Variants in RASGRF2 observed in about 807,000 individuals in gnomAD.
RASGRF2 encodes the protein Ras protein specific guanine nucleotide releasing factor 2, also known as ras-specific guanine nucleotide-releasing factor 2.
A neutral mutation model predicts 151.0 loss-of-function variants in RASGRF2; 76 were observed. That is an observed-to-expected ratio of 0.50 (90% CI 0.42 to 0.61). The LOEUF (loss-of-function observed/expected upper bound fraction) is 0.61, where lower values mean the gene tolerates loss of function less well. Ranked by LOEUF, RASGRF2 falls within the 20% of genes least tolerant of loss-of-function variation. The pLI is 0.00. For missense variants in RASGRF2, 1,148 were observed against 1,564.6 expected (o/e 0.73, Z 4.49); for synonymous variants, 504 against 566.5 (o/e 0.89, Z 1.57).
rs997473011 is a variant in RASGRF2 at position 80,960,639 on chromosome 5, C to A, written c.-100C>A. The A allele has an allele frequency of 2.0e-4, 221 of 1,132,010 alleles. 3 individuals are homozygous for A. Among genetic ancestry groups the A allele is most frequent in the Non-Finnish European group, 2.8e-5 (25 of 889,444 alleles). The allele number at this position is 1,132,010 out of a possible 1,614,324, so 70.1% of individuals were successfully genotyped here. On this transcript the variant is annotated 5_prime_UTR_variant, in exon 1 of 27. Coordinates refer to ENST00000265080, the MANE Select transcript of RASGRF2 (RefSeq NM_006909.3). The surrounding 1 kb of genome is among the most constrained non-coding windows in gnomAD (Gnocchi z 5.5). ...GGGAAAGGGGGCGCCCTTCGCCGGCCGGGACCTGAGCGGTCGCGCCCTCGA... is the reference window on the plus strand; with the variant it reads ...GGGAAAGGGGGCGCCCTTCGCCGGCAGGGACCTGAGCGGTCGCGCCCTCGA...
chr5:81,217,527 A>G, intron 25 of RASGRF2, 54 bp downstream of exon 25: 6 of 1,345,360 alleles, frequency 4.5e-6, no homozygotes, highest in Non-Finnish European at 5.0e-6. Context: ...GTTTATAGAG[A>G]AGAGGCTAAG....
At chr5:81,007,887 G>C (rs1223972259) in intron 1 of RASGRF2, among the ~76,000 whole-genome samples, 2 of 152,126 alleles carry the variant, frequency 1.3e-5, no homozygotes, top group Admixed American at 1.3e-4. Flanking sequence ...ACTGAAGAGA[G>C]AGACGTGAAC....
chr5:81,195,091 G>A (rs767494816), intron 18 of RASGRF2, among the ~76,000 whole-genome samples: 10 of 152,174 alleles, frequency 6.6e-5, no homozygotes, highest in Non-Finnish European at 1.0e-4. Flanking sequence ...GGTCTCTTGG[G>A]TGCCATGGAT....
chr5:81,072,601 T>C (rs1751810676), intron 4 of RASGRF2, among the ~76,000 whole-genome samples: 1 of 152,242 alleles, frequency 6.6e-6, no homozygotes, highest in Non-Finnish European at 1.5e-5. Context: ...TAATTTTTTA[T>C]ATTTAGAAAG....
At position 81,227,418 on chromosome 5, in the gene RASGRF2, A is replaced by G. The variant is rs1756022638; in HGVS notation, c.*1648A>G. The G allele has an allele frequency of 6.6e-6, 1 of 152,242 alleles. No individual in the cohort carries two copies. Among genetic ancestry groups the G allele is most frequent in the Admixed American group, 6.5e-5 (1 of 15,288 alleles). The allele number at this position is 152,242 out of a possible 1,614,324, so 9.4% of individuals were successfully genotyped here. A position where few individuals can be genotyped will look rare whatever the true frequency, so the allele number is the denominator to read the frequency against. ...TCCCAAAATATTTTCAATAGTTCATATTAGCCAACAGTGTAGCACTCAACC... is the reference window on the plus strand; with the variant it reads ...TCCCAAAATATTTTCAATAGTTCATGTTAGCCAACAGTGTAGCACTCAACC... On this transcript the variant is annotated 3_prime_UTR_variant, in exon 27 of 27. Transcript: ENST00000265080.
At chr5:81,221,173 C>G (rs1406253629) in intron 26 of RASGRF2, among the ~76,000 whole-genome samples, 1 of 152,116 alleles carries the variant, frequency 6.6e-6, no homozygotes, top group East Asian at 1.9e-4. Flanking sequence ...CTGGGTGTCT[C>G]CACTGTAAAG....
chr5:81,087,613 G>C (rs1752276747), intron 9 of RASGRF2: 1 of 533,670 alleles, frequency 1.9e-6, no homozygotes, highest in Non-Finnish European at 3.3e-6. Context: ...GCCTGACAGT[G>C]CCTATTTCTC....
chr5:81,208,529 AC>A, intron 22 of RASGRF2, 91 bp downstream of exon 22: 1 of 365,288 alleles, frequency 2.7e-6, no homozygotes, highest in Non-Finnish European at 4.4e-6. Flanking sequence ...CAACTCTGTC[AC>A]CCACTTTTTT....
At chr5:81,217,686 C>A (rs904674410) in intron 25 of RASGRF2, among the ~76,000 whole-genome samples, 1 of 139,064 alleles carries the variant, frequency 7.2e-6, no homozygotes, top group East Asian at 2.3e-4. Flanking sequence ...TCAATCAATT[C>A]TCTTGCCTCA....
intron 1 of RASGRF2, among the ~76,000 whole-genome samples, chr5:80,985,124 A>G (rs563987926): frequency 5.3e-5 from 8 of 152,270 alleles, no homozygotes; most frequent in Admixed American, 2.0e-4. Context: ...AGGTGAGAGG[A>G]TAACTTGAGC....
intron 2 of RASGRF2, among the ~76,000 whole-genome samples, chr5:81,063,653 T>G (rs1254348949): frequency 6.6e-6 from 1 of 152,192 alleles, no homozygotes; most frequent in Non-Finnish European, 1.5e-5. Flanking sequence ...GTTACTCAGT[T>G]TTCCTTTTAT....
intron 17 of RASGRF2, among the ~76,000 whole-genome samples, chr5:81,146,531 G>A (rs2112611192): frequency 6.6e-6 from 1 of 152,190 alleles, no homozygotes; most frequent in Non-Finnish European, 1.5e-5. Flanking sequence ...TAGGAAAACA[G>A]GTGGTCTGTA....
intron 6 of RASGRF2, 122 bp downstream of exon 6, chr5:81,080,322 A>G: frequency 3.3e-6 from 5 of 1,493,196 alleles, no homozygotes; most frequent in Non-Finnish European, 4.4e-6. Context: ...GAGCTTCTGT[A>G]TCCCGGGACC....
rs753513701 is a variant in RASGRF2, at chr5:81,112,605, C to T, written c.1839-5C>T. ...TTACCATCATGTTCCTGCCTTTGCA[C>T]GTAGGTCTGATGCCCGTCTTCATAA... On this transcript the variant is annotated splice_polypyrimidine_tract_variant and splice_region_variant and intron_variant, in intron 13 of 26. Coordinates refer to ENST00000265080, the MANE Select transcript of RASGRF2 (RefSeq NM_006909.3). 54 of 1,613,952 alleles carry T rather than the reference C, an allele frequency of 3.3e-5. No individual in the cohort carries two copies. The highest frequency in any genetic ancestry group is 5.5e-5 in the South Asian group (5 of 91,066).
chr5:81,113,682 G>A lies in RASGRF2; in HGVS notation c.2232G>A (p.Lys744=). 6.2e-7 allele frequency: 1 copy of A among 1,613,650 alleles called. No homozygotes were observed. Among genetic ancestry groups the A allele is most frequent in the Middle Eastern group, 1.6e-4 (1 of 6,062 alleles). ...SRTSSPVRAR[K]LSLTSPLNSK... is the part of the protein sequence containing the mutation. ...CATCTTCCCCAGTGAGGGCCAGAAA[G>A]CTGTCTTTGACTTCTCCCTTGAACT... The change falls in exon 15 of 27, where the codon AAG becomes AAA. Residue 744 remains lysine (K), a synonymous_variant. Coordinates refer to ENST00000265080, the MANE Select transcript of RASGRF2 (RefSeq NM_006909.3).
At chr5:81,102,075 A>G (rs997561244) in intron 12 of RASGRF2, among the ~76,000 whole-genome samples, 1 of 152,236 alleles carries the variant, frequency 6.6e-6, no homozygotes, top group East Asian at 1.9e-4. Context: ...ATGCGTAGGT[A>G]TATTTATAGA....
At chr5:81,113,392 A>G (rs1296795580) in intron 14 of RASGRF2, 146 bp from the exon 15 acceptor site, 25 of 923,178 alleles carry the variant, frequency 2.7e-5, no homozygotes, top group Non-Finnish European at 4.0e-5. Context: ...GAGGGTATAC[A>G]TGTAGCATTT....
intron 1 of RASGRF2, among the ~76,000 whole-genome samples, chr5:80,990,105 G>A (rs1748599698): frequency 6.6e-6 from 1 of 152,138 alleles, no homozygotes. Context: ...AGCGGGAGCT[G>A]TGTCCCCTGG....
At chr5:81,011,462 C>T (rs1474887696) in intron 1 of RASGRF2, among the ~76,000 whole-genome samples, 1 of 152,122 alleles carries the variant, frequency 6.6e-6, no homozygotes, top group Non-Finnish European at 1.5e-5. Context: ...TTACTTGGGG[C>T]CCGGCACGGT....
Sources: allele counts gnomAD v4.1 joint callset (sites outside exome capture counted in the v4.1 genomes callset), GRCh38; gene constraint gnomAD v4.1.1; non-coding constraint Gnocchi (gnomAD v3.1); transcripts MANE v1.5; gene names NCBI Gene and HGNC (gene_info 2026-07-23, HGNC 2026-07-21).